Variants in SPRY3 observed in about 807,000 individuals in gnomAD.
SPRY3 encodes the protein protein sprouty homolog 3.
In SPRY3, 15 loss-of-function variants were observed where a neutral mutation model predicts 20.2. The ratio of observed to expected loss-of-function variants is 0.74; its 90% confidence interval spans 0.50 to 1.14. SPRY3 has a LOEUF of 1.14. SPRY3 is among the 50% of genes most tolerant of loss of function. SPRY3 has a pLI of 0.00. For missense variants in SPRY3, 364 were observed against 363.9 expected (o/e 1.00, Z 0.00); for synonymous variants, 143 against 136.5 (o/e 1.05, Z -0.33).
chrX:155,705,843 T>C (rs1372616366), intron 2 of SPRY3, among the ~76,000 whole-genome samples: 1 of 151,328 alleles, frequency 6.6e-6, no homozygotes, highest in Non-Finnish European at 1.5e-5. Context: ...CTTTACAACA[T>C]AGTACTATGT....
chrX:155,616,107 TCTCTCTCTCTCTCTCTCTCTCTC>T (rs1484313743), intron 1 of SPRY3, among the ~76,000 whole-genome samples: 12 of 52,312 alleles, frequency 2.3e-4, no homozygotes, highest in African/African-American at 6.1e-4. Context: ...GGGGTCTCTC[TCTCTCTCTCTCTCTCTCTCTCTC>T]CTCTCTCTCT....
chrX:155,697,633 GGTGTGT>G (rs746391298), intron 2 of SPRY3, among the ~76,000 whole-genome samples: 1 of 104,740 alleles, frequency 9.5e-6, no homozygotes, highest in Admixed American at 1.0e-4. Context: ...TGTAGGTAGG[GGTGTGT>G]GTGTGTGTGT....
chrX:155,763,128 C>T (rs950056425), intron 2 of SPRY3, among the ~76,000 whole-genome samples: 4 of 152,014 alleles, frequency 2.6e-5, no homozygotes, highest in South Asian at 2.1e-4. Flanking sequence ...AAAAAAACCC[C>T]TCATGTTCTC....
chrX:155,669,595 T>C (rs1342367974), intron 2 of SPRY3, among the ~76,000 whole-genome samples: 1 of 111,561 alleles, frequency 9.0e-6, no homozygotes, highest in Non-Finnish European at 1.9e-5. Flanking sequence ...AAGTGATGTA[T>C]TATAAAATAA....
At chrX:155,742,744 ATAATG>A (rs1267390952) in intron 2 of SPRY3, among the ~76,000 whole-genome samples, 2 of 152,212 alleles carry the variant, frequency 1.3e-5, no homozygotes, top group African/African-American at 4.8e-5. Flanking sequence ...TTCTGAGTGA[ATAATG>A]AAATTAAGGT....
intron 3 of SPRY3, 95 bp downstream of exon 2, chrX:155,768,231 G>A (rs924412260): frequency 0.049 from 5 of 102 alleles, no homozygotes; most frequent in African/African-American, 0.31. Context: ...CTGTCTCTGT[G>A]TGCGTGTGTG....
intron 2 of SPRY3, among the ~76,000 whole-genome samples, chrX:155,737,463 T>C (rs1297707805): frequency 6.6e-6 from 1 of 152,164 alleles, no homozygotes; most frequent in Admixed American, 6.5e-5. Flanking sequence ...AAAAATGCCA[T>C]AATGAGGATC....
intron 2 of SPRY3, among the ~76,000 whole-genome samples, chrX:155,708,874 C>A (rs2090968873): frequency 6.6e-6 from 1 of 151,214 alleles, no homozygotes; most frequent in Non-Finnish European, 1.5e-5. Context: ...ACCCATTAAC[C>A]ATCCCCACCT....
chrX:155,645,476 A>C (rs1249572460), intron 1 of SPRY3, among the ~76,000 whole-genome samples: 2 of 111,651 alleles, frequency 1.8e-5, no homozygotes, highest in Non-Finnish European at 3.8e-5. Flanking sequence ...GCTTTCCAGT[A>C]CTCAAGTTCT....
At chrX:155,735,857 C>T (rs2091165292) in intron 2 of SPRY3, among the ~76,000 whole-genome samples, 1 of 151,564 alleles carries the variant, frequency 6.6e-6, no homozygotes, top group African/African-American at 2.4e-5. Context: ...TATAATTGTT[C>T]TCTTTTTCCA....
intron 2 of SPRY3, among the ~76,000 whole-genome samples, chrX:155,670,667 C>T (rs1017353307): frequency 9.0e-6 from 1 of 111,561 alleles, no homozygotes; most frequent in Non-Finnish European, 1.9e-5. Flanking sequence ...TAACTTTTGT[C>T]TGACCTCTGC....
chrX:155,756,233 A>C (rs1040149173), intron 2 of SPRY3, among the ~76,000 whole-genome samples: 3 of 152,140 alleles, frequency 2.0e-5, no homozygotes, highest in African/African-American at 7.2e-5. Flanking sequence ...ATTCACAAGG[A>C]CTTGCCCCAC....
At chrX:155,718,930 A>T (rs2091038508) in intron 2 of SPRY3, among the ~76,000 whole-genome samples, 1 of 152,206 alleles carries the variant, frequency 6.6e-6, no homozygotes, top group Non-Finnish European at 1.5e-5. Context: ...AAAAGTCTCC[A>T]CCAATCATTC....
chrX:155,753,796 A>G (rs2091273410), intron 2 of SPRY3, among the ~76,000 whole-genome samples: 1 of 151,886 alleles, frequency 6.6e-6, no homozygotes. Flanking sequence ...TCTAGTGGGT[A>G]TTAAGTTGTA....
intron 1 of SPRY3, among the ~76,000 whole-genome samples, chrX:155,618,241 C>A (rs1032592860): frequency 1.3e-4 from 14 of 111,958 alleles, no homozygotes; most frequent in African/African-American, 4.5e-4. Flanking sequence ...ATAACTTTGT[C>A]ATTTCAAGAA....
chrX:155,771,840 G>T (rs1441917751), intron 3 of SPRY3, among the ~76,000 whole-genome samples: 1 of 152,034 alleles, frequency 6.6e-6, no homozygotes, highest in Non-Finnish European at 1.5e-5. Context: ...AATAAGTAAG[G>T]GCACATTGCC....
intron 2 of SPRY3, among the ~76,000 whole-genome samples, chrX:155,733,634 A>G (rs750848955): frequency 2.7e-4 from 41 of 152,146 alleles, no homozygotes; most frequent in Non-Finnish European, 5.1e-4. Flanking sequence ...TTAGCCCTTA[A>G]CAAGAGAGTC....
At chrX:155,639,061 G>A (rs187156636) in intron 1 of SPRY3, among the ~76,000 whole-genome samples, 129 of 111,473 alleles carry the variant, frequency 1.2e-3, no homozygotes, top group South Asian at 1.9e-3. Flanking sequence ...ACTAAGCTTG[G>A]TAACTGCTAC....
chrX:155,774,974 G>T (rs17653586), exon 4 of SPRY3: 70,015 of 591,890 alleles, frequency 0.12, 5,056 homozygotes, highest in South Asian at 0.16. Flanking sequence ...CAGCCTTTAT[G>T]GTTGTCATGG....
Sources: allele counts gnomAD v4.1 joint callset (sites outside exome capture counted in the v4.1 genomes callset), GRCh38; gene constraint gnomAD v4.1.1; transcripts MANE v1.5; gene names NCBI Gene and HGNC (gene_info 2026-07-23, HGNC 2026-07-21).